The following GALNT1 variants were observed in gnomAD, a reference collection of about 807,000 sequenced individuals.
GALNT1 encodes GalNAc transferase 1.
GALNT1 carries 17 observed loss-of-function variants against 65.7 expected under a neutral mutation model. The ratio of observed to expected loss-of-function variants is 0.26; its 90% CI spans 0.18 to 0.39. The LOEUF is 0.39. Ranked by LOEUF, GALNT1 falls within the 10% of genes least tolerant of loss-of-function variation. The pLI is 1.00. For synonymous variants in GALNT1, 210 were observed against 219.7 expected (o/e 0.96, Z 0.39); for missense variants, 460 against 672.8 (o/e 0.68, Z 3.50).
intron 3 of GALNT1, among the ~76,000 whole-genome samples, chr18:35,676,968 C>T (rs750727097): frequency 3.3e-5 from 5 of 152,068 alleles, no homozygotes; most frequent in East Asian, 1.9e-4. Flanking sequence ...CTTTAGTGAA[C>T]GAGATACATG....
intron 1 of GALNT1, among the ~76,000 whole-genome samples, chr18:35,624,749 T>C (rs1180921000): frequency 6.6e-6 from 1 of 152,212 alleles, no homozygotes; most frequent in African/African-American, 2.4e-5. Flanking sequence ...ACATATTTGC[T>C]CTTTAAAAAG....
intron 1 of GALNT1, among the ~76,000 whole-genome samples, chr18:35,635,744 T>A (rs539628575): frequency 1.2e-4 from 18 of 152,296 alleles, no homozygotes; most frequent in African/African-American, 3.4e-4. Flanking sequence ...ATTTTTTTTT[T>A]AATTAGGGAT....
At chr18:35,677,442 A>G in intron 3 of GALNT1, 149 bp from the exon 4 acceptor site, 1 of 469,862 alleles carries the variant, frequency 2.1e-6, no homozygotes, top group Non-Finnish European at 3.8e-6. Flanking sequence ...TTAAACACAT[A>G]ACATTAACCA....
chr18:35,652,390 A>G (rs1364714683), intron 1 of GALNT1, among the ~76,000 whole-genome samples: 1 of 152,064 alleles, frequency 6.6e-6, no homozygotes, highest in Admixed American at 6.6e-5. Flanking sequence ...TTTCTGCAGT[A>G]TGTGGAAGGT....
chr18:35,591,590 A>G (rs927798798), intron 1 of GALNT1: 20 of 153,202 alleles, frequency 1.3e-4, no homozygotes, highest in Admixed American at 1.2e-3. Context: ...TAACTAGACT[A>G]CCTTGCTCGG....
intron 1 of GALNT1, among the ~76,000 whole-genome samples, chr18:35,604,453 G>C (rs777928664): frequency 1.6e-4 from 24 of 152,122 alleles, no homozygotes; most frequent in Admixed American, 3.3e-4. Context: ...TGGGATTGCT[G>C]GGTCAAGTAG....
intron 3 of GALNT1, among the ~76,000 whole-genome samples, chr18:35,674,483 C>G (rs889034009): frequency 1.3e-5 from 2 of 152,172 alleles, no homozygotes; most frequent in Non-Finnish European, 2.9e-5. Context: ...TGGAAGCACA[C>G]TGGAACCGGG....
At chr18:35,661,047 A>C (rs2047470880) in intron 2 of GALNT1, among the ~76,000 whole-genome samples, 1 of 152,228 alleles carries the variant, frequency 6.6e-6, no homozygotes, top group African/African-American at 2.4e-5. Flanking sequence ...TGATTCTTTA[A>C]GATCTCAAAA....
At chr18:35,672,338 A>T (rs2047649006) in intron 3 of GALNT1, among the ~76,000 whole-genome samples, 1 of 152,230 alleles carries the variant, frequency 6.6e-6, no homozygotes, top group Non-Finnish European at 1.5e-5. Context: ...TGACTTCCAA[A>T]GCAGATTCAC....
rs1249924999 is a variant in GALNT1 at position 35,710,341 on chromosome 18, T to G, written c.*571T>G. The stretch of plus-strand genomic sequence containing the variant: ...CTATGAGAAGTACAATTTGTTATAG[T>G]ATAGTATCAAATTTCTATATAGATT... On this transcript the variant is annotated 3_prime_UTR_variant, in exon 12 of 12. Transcript: ENST00000269195. 2.0e-5 allele frequency: 3 copies of G among 152,646 alleles called. No homozygotes were observed. The highest frequency in any genetic ancestry group is 6.5e-5 in the Admixed American group (1 of 15,292). 9.5% of individuals were successfully genotyped at this position (152,646 alleles called of 1,614,324 possible).
chr18:35,653,990 C>T (rs1319311859), intron 1 of GALNT1, among the ~76,000 whole-genome samples: 2 of 152,174 alleles, frequency 1.3e-5, no homozygotes, highest in Non-Finnish European at 2.9e-5. Context: ...AGAGTTAACT[C>T]AGGAAGCTGC....
At chr18:35,615,589 G>A (rs1338794121) in intron 1 of GALNT1, among the ~76,000 whole-genome samples, 1 of 152,158 alleles carries the variant, frequency 6.6e-6, no homozygotes, top group Non-Finnish European at 1.5e-5. Context: ...TGGGTTTTGT[G>A]TGCATGGAAA....
upstream of GALNT1, chr18:35,581,670 CG>C (rs2046316964): frequency 3.0e-5 from 1 of 33,212 alleles, no homozygotes. Context: ...GAGCCGGGCG[CG>C]GAGGCGGGGG....
chr18:35,652,542 C>T (rs896764211), intron 1 of GALNT1, among the ~76,000 whole-genome samples: 1 of 152,188 alleles, frequency 6.6e-6, no homozygotes, highest in Non-Finnish European at 1.5e-5. Flanking sequence ...AGTTACTCCC[C>T]TGACTGCCTA....
At chr18:35,612,227 T>A (rs1237671380) in intron 1 of GALNT1, among the ~76,000 whole-genome samples, 1 of 152,184 alleles carries the variant, frequency 6.6e-6, no homozygotes, top group Non-Finnish European at 1.5e-5. Flanking sequence ...CACACATGAT[T>A]CTTATGAAAA....
intron 1 of GALNT1, among the ~76,000 whole-genome samples, chr18:35,627,904 G>A (rs1321104159): frequency 1.3e-5 from 2 of 152,312 alleles, no homozygotes; most frequent in African/African-American, 4.8e-5. Context: ...TTAGCAAACG[G>A]CACACCAGGA....
chr18:35,592,078 A>G (rs568448533), intron 1 of GALNT1, among the ~76,000 whole-genome samples: 1 of 152,308 alleles, frequency 6.6e-6, no homozygotes, highest in Non-Finnish European at 1.5e-5. Context: ...CTGGAGGTGC[A>G]GATGAGCATC....
intron 3 of GALNT1, among the ~76,000 whole-genome samples, chr18:35,674,888 C>G (rs1394552270): frequency 1.4e-5 from 2 of 141,740 alleles, no homozygotes; most frequent in South Asian, 2.2e-4. Context: ...GAGGCTGAGG[C>G]AGGAGAATGG....
intron 11 of GALNT1, 33 bp downstream of exon 11, chr18:35,703,676 T>A (rs1427316546): frequency 6.8e-6 from 11 of 1,605,860 alleles, no homozygotes; most frequent in Non-Finnish European, 9.4e-6. Flanking sequence ...GTAATAAAAT[T>A]ATGTGTGTCA....
Sources: allele counts gnomAD v4.1 joint callset (sites outside exome capture counted in the v4.1 genomes callset), GRCh38; gene constraint gnomAD v4.1.1; transcripts MANE v1.5; gene names NCBI Gene and HGNC (gene_info 2026-07-23, HGNC 2026-07-21).